C1orf162: variants seen among roughly 807,000 people sequenced by gnomAD.
C1orf162 encodes the protein chromosome 1 open reading frame 162, also known as transmembrane protein C1orf162.
A neutral mutation model predicts 11.4 loss-of-function variants in C1orf162; 10 were observed. That is an observed-to-expected ratio of 0.88 (90% CI 0.54 to 1.48). The LOEUF is 1.48. C1orf162 is among the 40% of genes most tolerant of loss of function. The pLI is 0.00. For synonymous variants in C1orf162, 53 were observed against 55.0 expected (o/e 0.96, Z 0.16); for missense variants, 140 against 149.5 (o/e 0.94, Z 0.33).
chr1:111,475,866 G>C (rs1653970308), intron 1 of C1orf162, 152 bp from the exon 2 acceptor site: 1 of 596,734 alleles, frequency 1.7e-6, no homozygotes, highest in Admixed American at 2.4e-5. Context: ...GTTAACCACT[G>C]ATGAGTGATC....
In C1orf162 at chr1:111,478,096, C is replaced by G. The variant is rs1247560798; in HGVS notation, c.366C>G (p.Val122=). ...ENHSADFDPI[V]YAQIKVTN is the part of the protein sequence containing the mutation. ...ATTCTGCAGACTTTGACCCCATTGT[C>G]TATGCTCAAATTAAAGTAACAAACT... Residue 122 remains valine, a synonymous_variant, in exon 6 of 6, where the codon GTC becomes GTG. Transcript: ENST00000369718. 1.2e-6 allele frequency: 2 copies of G among 1,614,208 alleles called. No individual in the cohort carries two copies. Among genetic ancestry groups the G allele is most frequent in the Admixed American group, 1.7e-5 (1 of 60,034 alleles).
At chr1:111,477,100 A>G (rs1330208325) in intron 3 of C1orf162, 2 of 638,052 alleles carry the variant, frequency 3.1e-6, no homozygotes, top group Non-Finnish European at 5.5e-6. Flanking sequence ...TGGGTGGGGA[A>G]TTATGAACAT....
In C1orf162 at chr1:111,476,860, C is replaced by T. The variant is rs768628858; in HGVS notation, c.100C>T (p.His34Tyr). Residue 34 changes from histidine (H) to tyrosine (Y), a missense_variant, in exon 3 of 6, where the codon CAC (histidine) becomes TAC (tyrosine). Physicochemically the swap from His to Tyr is moderately conservative, Grantham distance 83. Transcript: ENST00000369718. ...TAGCCCTGCACCCTGTCTCTCTAAC[C>T]ACCACAAGTAAATGAGCATTCTCCT... is the stretch of plus-strand genomic sequence containing the variant. ...TTSPAPCLSN[H>Y]HNKKHLILAF... The T allele has an allele frequency of 1.9e-5, 31 of 1,613,526 alleles. No individual in the cohort carries two copies. In the East Asian group the frequency reaches 6.5e-4, roughly 34 times the overall value.
chr1:111,475,800 T>G, intron 1 of C1orf162: 4 of 493,058 alleles, frequency 8.1e-6, no homozygotes, highest in South Asian at 2.9e-5. Flanking sequence ...AGATCAAATT[T>G]CTGGACCTGC....
Position 111,475,887 on chromosome 1 carries a change from G to A in C1orf162, c.-11-131G>A, listed in dbSNP as rs574290402. Reference sequence around the variant, plus strand: ...CACTGATGAGTGATCTGTGACCACTGATGGCACTAGAACACCCACAAATTG... The same window carrying A: ...CACTGATGAGTGATCTGTGACCACTAATGGCACTAGAACACCCACAAATTG... On this transcript the variant is annotated intron_variant, in intron 1 of 5. Transcript: ENST00000369718. The A allele has an allele frequency of 5.3e-4, 348 of 652,326 alleles. 1 individual carries two copies. Among genetic ancestry groups the A allele is most frequent in the Non-Finnish European group, 8.1e-4 (285 of 349,736 alleles). The allele number at this position is 652,326 out of a possible 1,614,324, so 40.4% of individuals were successfully genotyped here. A position where few individuals can be genotyped will look rare whatever the true frequency, so the allele number is the denominator to read the frequency against.
chr1:111,475,562 T>G, intron 1 of C1orf162: 1 of 165,252 alleles, frequency 6.1e-6, no homozygotes, highest in Non-Finnish European at 1.3e-5. Context: ...CAGTTGGCAG[T>G]CAATATAAAA....
intron 4 of C1orf162, 38 bp downstream of exon 4, chr1:111,477,466 T>C (rs771113711): frequency 6.4e-7 from 1 of 1,564,416 alleles, no homozygotes; most frequent in South Asian, 1.1e-5. Flanking sequence ...CCCTTCTCTC[T>C]CTGCCATTGA....
At chr1:111,477,804 C>G in intron 5 of C1orf162, 29 bp downstream of exon 5, 1 of 1,613,300 alleles carries the variant, frequency 6.2e-7, no homozygotes, top group African/African-American at 1.3e-5. Flanking sequence ...TTTGGGGACA[C>G]TGAAGGGCTA....
intron 1 of C1orf162, chr1:111,474,678 G>T (rs1018052459): frequency 2.0e-5 from 3 of 152,174 alleles, no homozygotes; most frequent in Admixed American, 2.0e-4. Context: ...TGCGGACTGT[G>T]GGCCTCCTAT....
intron 4 of C1orf162, 111 bp from the exon 5 acceptor site, chr1:111,477,615 G>A: frequency 6.6e-7 from 1 of 1,521,734 alleles, no homozygotes; most frequent in Non-Finnish European, 8.9e-7. Flanking sequence ...CCACCCACCT[G>A]CCAACACCTC....
chr1:111,475,663 G>A (rs552210621), intron 1 of C1orf162: 62 of 202,392 alleles, frequency 3.1e-4, no homozygotes, highest in African/African-American at 1.3e-3. Flanking sequence ...ATGTTCCCCT[G>A]ATAGGCAAAA....
At chr1:111,474,054 T>G (rs1653917911) in intron 1 of C1orf162, 24 bp downstream of exon 1, 1 of 152,238 alleles carries the variant, frequency 6.6e-6, no homozygotes, top group Non-Finnish European at 1.5e-5. Flanking sequence ...CCACATGCTT[T>G]TAATCTAGAT....
chr1:111,477,535 A>C, intron 4 of C1orf162, 107 bp downstream of exon 4: 1 of 1,481,076 alleles, frequency 6.8e-7, no homozygotes, highest in South Asian at 1.1e-5. Context: ...CAGTGTGATA[A>C]AACCTGCTTA....
Position 111,476,809 on chromosome 1 carries a change from A to G in C1orf162, c.49A>G (p.Thr17Ala). The change falls in exon 3 of 6, where the codon ACT becomes GCT. Residue 17 changes from threonine (T) to alanine (A), a missense_variant. Thr to Ala is a moderately conservative substitution (Grantham distance 58). Coordinates refer to ENST00000369718, the MANE Select transcript of C1orf162 (RefSeq NM_001300834.2). ...GTGTTTTCTTGTAGAAAGACAAGGC[A>G]CTCTCTCCACAGCAGCCCCAACAAC... Reference protein sequence around the residue: ...TCKPDTERQGTLSTAAPTTSP... With the variant: ...TCKPDTERQGALSTAAPTTSP... The G allele has an allele frequency of 1.9e-6, 3 of 1,613,810 alleles. No individual in the cohort carries two copies. The highest frequency in any genetic ancestry group is 2.7e-5 in the African/African-American group (2 of 74,934).
rs1225753035 is a variant in C1orf162, at chr1:111,478,237, G to A, written c.*114G>A. ...CCACCACCTGTGTGAAACTGCAGTC[G>A]GAGTTGTTTAGATGTGATCTGGCAA... On this transcript the variant is annotated 3_prime_UTR_variant, in exon 6 of 6. Coordinates refer to ENST00000369718, the MANE Select transcript of C1orf162 (RefSeq NM_001300834.2). The A allele has an allele frequency of 4.6e-5, 59 of 1,290,554 alleles. No homozygotes were observed. Among genetic ancestry groups the A allele is most frequent in the African/African-American group, 1.0e-4 (7 of 68,640 alleles). The allele number at this position is 1,290,554 out of a possible 1,614,324, so 79.9% of individuals were successfully genotyped here.
Position 111,477,737 on chromosome 1 carries a change from C to A in C1orf162, c.214C>A (p.Pro72Thr), listed in dbSNP as rs1202717340. ...TGGCACCATGGCAGATCACTCCAAG[C>A]CCCAGGCCCCAGATCCTCACTCAGA... ...IKSYRKYHSK[P>T]QAPDPHSDPP... Residue 72 changes from proline (P) to threonine (T), a missense_variant, in exon 5 of 6, where the codon CCC (proline) becomes ACC (threonine). Transcript: ENST00000369718. 1 of 1,613,944 alleles carries A rather than the reference C, an allele frequency of 6.2e-7. No homozygotes were observed. The highest frequency in any genetic ancestry group is 1.7e-5 in the Admixed American group (1 of 60,016).
At chr1:111,477,881 C>T (rs1162213882) in intron 5 of C1orf162, 102 bp from the exon 6 acceptor site, 1 of 1,595,232 alleles carries the variant, frequency 6.3e-7, no homozygotes, top group Non-Finnish European at 8.6e-7. Context: ...TTTCCAGACA[C>T]TGGGCAAGTG....
intron 2 of C1orf162, among the ~76,000 whole-genome samples, chr1:111,476,298 G>T (rs927358965): frequency 6.6e-6 from 1 of 152,118 alleles, no homozygotes; most frequent in Non-Finnish European, 1.5e-5. Flanking sequence ...ATCAAACTAG[G>T]TGGGTCCTGC....
Position 111,477,932 on chromosome 1 carries a change from CCTT to C in C1orf162, c.253-50_253-48del, listed in dbSNP as rs1201656390. On this transcript the variant is annotated intron_variant, in intron 5 of 5. Transcript: ENST00000369718. ...TGCTCAGGTTGCTTCTAAAGAGCAA[CCTT>C]TTGCTCCAGACTGGACTCACTCATT... is the stretch of plus-strand genomic sequence containing the variant. The C allele has an allele frequency of 3.1e-6, 5 of 1,611,722 alleles. No homozygotes were observed. The African/African-American group carries it at 6.7e-5, about 22-fold the overall frequency.
Sources: gnomAD v4.1 joint callset for allele counts (sites outside exome capture counted in the v4.1 genomes callset) on GRCh38, gnomAD v4.1.1 for gene constraint, MANE v1.5 for transcripts, NCBI Gene and HGNC (gene_info 2026-07-23, HGNC 2026-07-21) for gene names.